The following CABIN1 variants were observed in gnomAD, a reference collection of about 807,000 sequenced individuals.
The protein encoded by CABIN1 is calcineurin binding protein 1.
Under a neutral mutation model 227.7 loss-of-function variants are expected in CABIN1, and 133 were observed. The ratio of observed to expected loss-of-function variants is 0.58; its 90% CI spans 0.51 to 0.67. The LOEUF (loss-of-function observed/expected upper bound fraction) is 0.67. Among genes scored for constraint, CABIN1 ranks in the 30% least tolerant of loss-of-function variants. The probability of loss-of-function intolerance (pLI) is 0.00; values close to 1 mark genes in which losing one functional copy is unlikely to be tolerated. For missense variants in CABIN1, 2,408 were observed against 2,852.5 expected, an observed-to-expected ratio of 0.84 and a Z score of 3.55; for synonymous variants, 1,086 against 1,155.1, an observed-to-expected ratio of 0.94 and a Z score of 1.21.
intron 18 of CABIN1, among the ~76,000 whole-genome samples, chr22:24,075,399 T>C (rs1254162989): frequency 2.6e-5 from 4 of 152,190 alleles, no homozygotes; most frequent in Admixed American, 2.6e-4. Context: ...GTAACTGGAA[T>C]TCAGTAGTTC....
intron 26 of CABIN1, 27 bp downstream of exon 26, chr22:24,098,219 A>G (rs112035753): frequency 1.6e-5 from 26 of 1,609,986 alleles, no homozygotes; most frequent in Non-Finnish European, 2.2e-5. Context: ...CCCTACTGCC[A>G]GCCCAGGGCG....
chr22:24,135,154 G>A (rs2044317361), intron 29 of CABIN1, among the ~76,000 whole-genome samples: 1 of 151,746 alleles, frequency 6.6e-6, no homozygotes, highest in Non-Finnish European at 1.5e-5. Flanking sequence ...ACTTTGGGAG[G>A]CCAAGGCGGG....
intron 22 of CABIN1, among the ~76,000 whole-genome samples, chr22:24,086,416 C>CA (rs1569190953): frequency 2.0e-5 from 3 of 152,262 alleles, no homozygotes; most frequent in Admixed American, 6.5e-5. Context: ...GGTATCAACC[C>CA]ATCAGCCTGG....
At chr22:24,164,743 T>C (rs1228893566) in intron 30 of CABIN1, among the ~76,000 whole-genome samples, 180 bp downstream of exon 30, 2 of 152,024 alleles carry the variant, frequency 1.3e-5, no homozygotes, top group Non-Finnish European at 1.5e-5. Context: ...AAACAACACT[T>C]CCCACCCCCA....
chr22:24,126,362 C>T (rs371829937), intron 28 of CABIN1, among the ~76,000 whole-genome samples: 1 of 152,116 alleles, frequency 6.6e-6, no homozygotes, highest in Non-Finnish European at 1.5e-5. Flanking sequence ...TAAGCAAGGA[C>T]CTGAATCAAG....
intron 16 of CABIN1, 99 bp from the exon 17 acceptor site, chr22:24,070,701 C>A: frequency 6.4e-7 from 1 of 1,560,350 alleles, no homozygotes; most frequent in Non-Finnish European, 8.8e-7. Context: ...CTTTCTTTTG[C>A]TGCCCCTCAT....
intron 26 of CABIN1, 94 bp downstream of exon 26, chr22:24,098,286 A>G (rs1426537914): frequency 1.4e-6 from 2 of 1,381,768 alleles, no homozygotes; most frequent in African/African-American, 1.4e-5. Context: ...CGTTTTGGTG[A>G]GGGGGGGTGC....
rs573828440 is a variant in CABIN1 at position 24,094,994 on chromosome 22, C to A, written c.3787-937C>A. ...TTTGCCCTCCCCCAAGTTTGGCCAC[C>A]TGATTGTGCATGGGTGCCTCGAGTG... On this transcript the variant is annotated intron_variant, in intron 24 of 36. Coordinates refer to ENST00000263119, the MANE Select transcript of CABIN1 (RefSeq NM_012295.4). Among the ~76,000 whole-genome samples, 41 of 152,318 alleles carry A rather than the reference C, an allele frequency of 2.7e-4. 1 individual carries two copies. In the South Asian group the frequency reaches 8.5e-3, roughly 32 times the overall value.
intron 29 of CABIN1, among the ~76,000 whole-genome samples, chr22:24,135,646 C>T (rs2044351062): frequency 6.6e-6 from 1 of 152,220 alleles, no homozygotes; most frequent in Non-Finnish European, 1.5e-5. Flanking sequence ...CACCGCCCCT[C>T]CCAGCATGGC....
At position 24,119,611 on chromosome 22, in the gene CABIN1, C is replaced by G; in HGVS notation, c.4545C>G (p.Ser1515=). Reference sequence around the variant, plus strand: ...TTCTCACAGAGCAGTGCATCGCCTCCTTCCGCCTGTGCCTGAGCCGCTTCC... The same window carrying G: ...TTCTCACAGAGCAGTGCATCGCCTCGTTCCGCCTGTGCCTGAGCCGCTTCC... ...RQFLTEQCIA[S]FRLCLSRFPQ... Residue 1515 remains serine (S), a synonymous_variant, in exon 28 of 37, where the codon TCC becomes TCG. Transcript: ENST00000263119. 6.2e-7 allele frequency: 1 copy of G among 1,613,772 alleles called. No homozygotes were observed. The highest frequency in any genetic ancestry group is 8.5e-7 in the Non-Finnish European group (1 of 1,179,924).
intron 29 of CABIN1, among the ~76,000 whole-genome samples, chr22:24,158,042 C>G (rs1338783699): frequency 1.3e-5 from 2 of 152,242 alleles, no homozygotes; most frequent in African/African-American, 4.8e-5. Context: ...GTTCCGAGCA[C>G]TGAGTCACCA....
In CABIN1 at chr22:24,056,309, A is replaced by G. The variant is rs775048482; in HGVS notation, c.1211A>G (p.Lys404Arg). 4 of 1,614,022 alleles carry G rather than the reference A, an allele frequency of 2.5e-6. No homozygotes were observed. Among genetic ancestry groups the G allele is most frequent in the Non-Finnish European group, 3.4e-6 (4 of 1,179,892 alleles). The part of the protein sequence containing the change: ...SARVRNTKCK[K>R]EEKVDFQELL... ...CGTGTCCGAAACACCAAGTGCAAAA[A>G]AGAAGAGAAAGTAGACTTCCAGGAG... The change falls in exon 10 of 37, where the codon AAA (lysine) becomes AGA (arginine). Residue 404 changes from lysine to arginine, a missense_variant. By Grantham distance (26) the Lys-to-Arg change is conservative (BLOSUM62 2). This residue lies in a region of CABIN1 where 1,045 missense variants were observed against 1,168.4 expected (regional missense o/e 0.89). Transcript: ENST00000263119.
chr22:24,067,108 G>C lies in CABIN1; in HGVS notation c.2159G>C (p.Gly720Ala). 6.2e-7 allele frequency: 1 copy of C among 1,614,192 alleles called. No individual in the cohort carries two copies. ...CTCCGCCCCACTTTGTGCACCAGTG[G>C]GTTTGACCGGGCCAAACACCTGGAG... ...HLLRPTLCTS[G>A]FDRAKHLEFM... Residue 720 changes from glycine to alanine, a missense_variant, in exon 16 of 37, where the codon GGG (glycine) becomes GCG (alanine). By Grantham distance (60) the Gly-to-Ala change is moderately conservative (BLOSUM62 0). This residue lies in a region of CABIN1 where 1,045 missense variants were observed against 1,168.4 expected (regional missense o/e 0.89). Transcript: ENST00000263119.
At chr22:24,117,887 T>G (rs2043179858) in intron 27 of CABIN1, among the ~76,000 whole-genome samples, 1 of 152,222 alleles carries the variant, frequency 6.6e-6, no homozygotes, top group Non-Finnish European at 1.5e-5. Flanking sequence ...TGAGCCACAT[T>G]TTGAACACAT....
chr22:24,147,753 T>G (rs564659074), intron 29 of CABIN1, among the ~76,000 whole-genome samples: 1 of 152,258 alleles, frequency 6.6e-6, no homozygotes, highest in South Asian at 2.1e-4. Flanking sequence ...CCTAGCTGCA[T>G]CTTTCTCAGG....
chr22:24,150,260 G>A (rs372843384), intron 29 of CABIN1, among the ~76,000 whole-genome samples: 1 of 152,220 alleles, frequency 6.6e-6, no homozygotes, highest in African/African-American at 2.4e-5. Flanking sequence ...GTCTCAGGGC[G>A]CTGCAGGTAC....
intron 34 of CABIN1, 33 bp from the exon 35 acceptor site, chr22:24,176,078 T>A (rs1028104748): frequency 6.2e-7 from 1 of 1,601,090 alleles, no homozygotes; most frequent in African/African-American, 1.3e-5. Context: ...GGTGGATGAG[T>A]CTATTACCTG....
intron 1 of CABIN1, among the ~76,000 whole-genome samples, chr22:24,017,515 A>G (rs1282888409): frequency 6.6e-6 from 1 of 152,120 alleles, no homozygotes; most frequent in East Asian, 1.9e-4. Flanking sequence ...TGTGGCCACT[A>G]TTCTACTTTC....
In CABIN1 at chr22:24,070,910, G is replaced by C. The variant is rs750273094; in HGVS notation, c.2343G>C (p.Glu781Asp). Residue 781 changes from glutamate (E) to aspartate (D), a missense_variant, in exon 17 of 37, where the codon GAG (glutamate) becomes GAC (aspartate). Glu to Asp is a conservative substitution (Grantham distance 45). Coordinates refer to ENST00000263119, the MANE Select transcript of CABIN1 (RefSeq NM_012295.4). ...ACTCAGGTGAGGCTGCCGCCAAGGA[G>C]GAGTGGGTGGCCACAGTGACCCAAC... ...MVNSGEAAAK[E>D]EWVATVTQLL... The C allele has an allele frequency of 6.2e-6, 10 of 1,614,244 alleles. No individual in the cohort carries two copies. In the South Asian group the frequency reaches 9.9e-5, roughly 16 times the overall value.
Sources: allele counts gnomAD v4.1 joint callset (sites outside exome capture counted in the v4.1 genomes callset), GRCh38; gene constraint gnomAD v4.1.1; regional missense constraint gnomAD v4.1.1; transcripts MANE v1.5; gene names NCBI Gene and HGNC (gene_info 2026-07-23, HGNC 2026-07-21).